NPTX1: variants seen among roughly 807,000 people sequenced by gnomAD.
NPTX1 encodes the protein neuronal pentraxin-1.
In NPTX1, 12 loss-of-function variants were observed where a neutral mutation model predicts 38.7. The observed-to-expected ratio is 0.31, with a 90% CI of 0.20 to 0.50. NPTX1 has a LOEUF of 0.50. NPTX1 is among the 20% of genes least tolerant of loss of function. The pLI, the probability that NPTX1 is intolerant of heterozygous loss-of-function variation, is 0.98. For missense variants in NPTX1, 454 were observed against 592.2 expected, an observed-to-expected ratio of 0.77 and a Z score of 2.42; for synonymous variants, 272 against 264.9, an observed-to-expected ratio of 1.03 and a Z score of -0.26.
At position 80,476,471 on chromosome 17, in the gene NPTX1, G is replaced by A. The variant is rs374486185; in HGVS notation, c.-25C>T. The A allele has an allele frequency of 7.0e-5, 83 of 1,182,854 alleles. 2 individuals carry two copies. In the East Asian group the frequency reaches 2.5e-3, roughly 35 times the overall value. 73.3% of individuals were successfully genotyped at this position (1,182,854 alleles called of 1,614,324 possible). On this transcript the variant is annotated 5_prime_UTR_variant, in exon 1 of 5. Coordinates refer to ENST00000306773, the MANE Select transcript of NPTX1 (RefSeq NM_002522.4). The surrounding 1 kb of genome is among the most constrained non-coding windows in gnomAD (Gnocchi z 6.3). Reference sequence around the variant, plus strand: ...TGGCTGCGGGCACCGGGCGCTCCGGGCCCGGCTCGGCTCGGCTGGGGCTCG... The same window carrying A: ...TGGCTGCGGGCACCGGGCGCTCCGGACCCGGCTCGGCTCGGCTGGGGCTCG...
At position 80,468,561 on chromosome 17, in the gene NPTX1, G is replaced by GT. The variant is rs2083819328; in HGVS notation, c.*2251dup. The GT allele has an allele frequency of 6.6e-6, 1 of 152,290 alleles. No individual in the cohort carries two copies. Among genetic ancestry groups the GT allele is most frequent in the African/African-American group, 2.4e-5 (1 of 41,452 alleles). The allele number at this position is 152,290 out of a possible 1,614,324, so 9.4% of individuals were successfully genotyped here. On this transcript the variant is annotated 3_prime_UTR_variant, in exon 5 of 5. Coordinates refer to ENST00000306773, the MANE Select transcript of NPTX1 (RefSeq NM_002522.4). ...TGGAGTGAGGGTGGGGCTAGATCTG[G>GT]TCTAGAGAGGCGACTCCAAGCTCTC...
At position 80,476,300 on chromosome 17, in the gene NPTX1, G is replaced by A; in HGVS notation, c.147C>T (p.Gly49=). 1.3e-6 allele frequency: 2 copies of A among 1,557,684 alleles called. No individual in the cohort carries two copies. Among genetic ancestry groups the A allele is most frequent in the Admixed American group, 1.8e-5 (1 of 54,144 alleles). ...ADMCAASVAA[G]GAEELRSSVL... is the part of the protein sequence containing the mutation. ...CGCTGCTCCGGAGCTCCTCGGCGCC[G>A]CCGGCGGCCACGGACGCGGCGCACA... Residue 49 remains glycine (G), a synonymous_variant, in exon 1 of 5, where the codon GGC becomes GGT. Transcript: ENST00000306773. The surrounding 1 kb of genome is among the most constrained non-coding windows in gnomAD (Gnocchi z 6.3).
At chr17:80,473,617 G>C (rs1482913005) in intron 2 of NPTX1, 173 bp from the exon 3 acceptor site, 4 of 647,396 alleles carry the variant, frequency 6.2e-6, no homozygotes, top group Non-Finnish European at 1.1e-5. Flanking sequence ...CCAAGGCACA[G>C]GGCCAGTCTG....
In NPTX1 at chr17:80,475,371, A is replaced by G. The variant is rs532847173; in HGVS notation, c.652+140T>C. On this transcript the variant is annotated intron_variant, in intron 2 of 4. Transcript: ENST00000306773. The surrounding 1 kb of genome is among the most constrained non-coding windows in gnomAD (Gnocchi z 6.5). ...AACCTGGGAAGGGGTGCGGGGAATGAGAAAGCGGTGCAGGGGTTGGGGGTA... is the reference window on the plus strand; with the variant it reads ...AACCTGGGAAGGGGTGCGGGGAATGGGAAAGCGGTGCAGGGGTTGGGGGTA... 1.1e-5 allele frequency: 7 copies of G among 640,686 alleles called. No individual in the cohort carries two copies. The highest frequency in any genetic ancestry group is 1.8e-5 in the Non-Finnish European group (7 of 378,386). 39.7% of individuals were successfully genotyped at this position (640,686 alleles called of 1,614,324 possible). A position where few individuals can be genotyped will look rare whatever the true frequency, so the allele number is the denominator to read the frequency against.
chr17:80,471,729 T>C lies in NPTX1; in HGVS notation c.1077+3A>G. 3 of 1,611,324 alleles carry C rather than the reference T, an allele frequency of 1.9e-6. No individual in the cohort carries two copies. The highest frequency in any genetic ancestry group is 2.5e-6 in the Non-Finnish European group (3 of 1,179,282). On this transcript the variant is annotated splice_donor_region_variant and intron_variant, in intron 4 of 4. Coordinates refer to ENST00000306773, the MANE Select transcript of NPTX1 (RefSeq NM_002522.4). The stretch of plus-strand genomic sequence containing the variant: ...CCCTTCCCCACCACATCCAGCACAG[T>C]ACCTGCTCCTGGCCCAGCACCAGCA...
At chr17:80,471,998 C>T (rs892034533) in intron 3 of NPTX1, 87 bp from the exon 4 acceptor site, 6 of 1,187,644 alleles carry the variant, frequency 5.1e-6, no homozygotes, top group Non-Finnish European at 7.0e-6. Flanking sequence ...TTGTTCCTAT[C>T]TCTACTTGCA....
Position 80,476,017 on chromosome 17 carries a change from G to A in NPTX1, c.430C>T (p.Leu144=). The A allele has an allele frequency of 3.1e-6, 5 of 1,607,690 alleles. No individual in the cohort carries two copies. Among genetic ancestry groups the A allele is most frequent in the Non-Finnish European group, 4.2e-6 (5 of 1,177,900 alleles). The change falls in exon 1 of 5, where the codon CTG becomes TTG. Residue 144 remains leucine, a synonymous_variant. Coordinates refer to ENST00000306773, the MANE Select transcript of NPTX1 (RefSeq NM_002522.4). The surrounding 1 kb of genome is among the most constrained non-coding windows in gnomAD (Gnocchi z 6.3). ...CGCGCGCGGACCTCGAGGTTCTCCA[G>A]GCGGGTTTTGAGCGATTGCAAAGTT... ...GQTLQSLKTR[L]ENLEQYSRLN... is the part of the protein sequence containing the mutation.
In NPTX1 at chr17:80,467,774, A is replaced by G. The variant is rs1159863821; in HGVS notation, c.*3039T>C. 1 of 152,526 alleles carries G rather than the reference A, an allele frequency of 6.6e-6. No individual in the cohort carries two copies. The highest frequency in any genetic ancestry group is 1.5e-5 in the Non-Finnish European group (1 of 68,042). 9.4% of individuals were successfully genotyped at this position (152,526 alleles called of 1,614,324 possible). A position where few individuals can be genotyped will look rare whatever the true frequency, so the allele number is the denominator to read the frequency against. On this transcript the variant is annotated 3_prime_UTR_variant, in exon 5 of 5. Coordinates refer to ENST00000306773, the MANE Select transcript of NPTX1 (RefSeq NM_002522.4). ...GCCTGAAAGTATTTTCAAGGGAGAT[A>G]TAGGTTGAGTTAATTTATAGGTTTG... is the stretch of plus-strand genomic sequence containing the variant.
At position 80,470,527 on chromosome 17, in the gene NPTX1, CA is replaced by C; in HGVS notation, c.*285del. 1 of 303,874 alleles carries C rather than the reference CA, an allele frequency of 3.3e-6. No homozygotes were observed. Among genetic ancestry groups the C allele is most frequent in the Non-Finnish European group, 6.2e-6 (1 of 160,808 alleles). The allele number at this position is 303,874 out of a possible 1,614,324, so 18.8% of individuals were successfully genotyped here. A position where few individuals can be genotyped will look rare whatever the true frequency, so the allele number is the denominator to read the frequency against. ...GACACGCACACACAGATCCTCTCAC[CA>C]ACTTCTGCCTTGTTCAAGACGTTGC... On this transcript the variant is annotated 3_prime_UTR_variant, in exon 5 of 5. Coordinates refer to ENST00000306773, the MANE Select transcript of NPTX1 (RefSeq NM_002522.4).
At chr17:80,472,155 G>T (rs73432810) in intron 3 of NPTX1, among the ~76,000 whole-genome samples, 4,272 of 152,314 alleles carry the variant, frequency 0.028, 207 homozygotes, top group African/African-American at 0.098. Context: ...CCATGTGGGT[G>T]TGCAGTCTCT....
Position 80,475,403 on chromosome 17 carries a change from C to T in NPTX1, c.652+108G>A, listed in dbSNP as rs2143050493. ...GGTGCAGGGGTTGGGGGTAGCGGAG[C>T]GGCTTGAGGCTTGCACAGTGCAGAG... On this transcript the variant is annotated intron_variant, in intron 2 of 4. Transcript: ENST00000306773. This position sits in a 1 kb window ranked among gnomAD's most constrained non-coding sequence, Gnocchi z 6.5. 5.0e-6 allele frequency: 4 copies of T among 800,774 alleles called. No individual in the cohort carries two copies. The highest frequency in any genetic ancestry group is 5.8e-6 in the Non-Finnish European group (3 of 514,502). The allele number at this position is 800,774 out of a possible 1,614,324, so 49.6% of individuals were successfully genotyped here. A position where few individuals can be genotyped will look rare whatever the true frequency, so the allele number is the denominator to read the frequency against.
chr17:80,474,062 C>T (rs2083859186), intron 2 of NPTX1: 1 of 154,602 alleles, frequency 6.5e-6, no homozygotes, highest in Non-Finnish European at 1.4e-5. Flanking sequence ...AGCAGGGACT[C>T]TGCCTGGAGC....
At chr17:80,472,762 C>T (rs1354536223) in intron 3 of NPTX1, among the ~76,000 whole-genome samples, 1 of 152,148 alleles carries the variant, frequency 6.6e-6, no homozygotes, top group Non-Finnish European at 1.5e-5. Context: ...ACAGACCTGT[C>T]CTCCTCCCGA....
chr17:80,476,325 A>G lies in NPTX1; in HGVS notation c.122T>C (p.Met41Thr). 1 of 1,545,568 alleles carries G rather than the reference A, an allele frequency of 6.5e-7. No individual in the cohort carries two copies. The highest frequency in any genetic ancestry group is 8.7e-7 in the Non-Finnish European group (1 of 1,152,292). The change falls in exon 1 of 5, where the codon ATG (methionine) becomes ACG (threonine). Residue 41 changes from methionine to threonine, a missense_variant. Met to Thr is a moderately conservative substitution (Grantham distance 81). Transcript: ENST00000306773. The surrounding 1 kb of genome is among the most constrained non-coding windows in gnomAD (Gnocchi z 6.3). ...ICTSVPVDAD[M>T]CAASVAAGGA... ...GCCGGCGGCCACGGACGCGGCGCAC[A>G]TGTCGGCGTCCACGGGCACCGAGGT...
At position 80,470,646 on chromosome 17, in the gene NPTX1, G is replaced by T; in HGVS notation, c.*167C>A. 1 of 570,670 alleles carries T rather than the reference G, an allele frequency of 1.8e-6. No individual in the cohort carries two copies. 35.4% of individuals were successfully genotyped at this position (570,670 alleles called of 1,614,324 possible). A position where few individuals can be genotyped will look rare whatever the true frequency, so the allele number is the denominator to read the frequency against. On this transcript the variant is annotated 3_prime_UTR_variant, in exon 5 of 5. Coordinates refer to ENST00000306773, the MANE Select transcript of NPTX1 (RefSeq NM_002522.4). ...TCCTCAGGGACAGATGGGAGCAGGG[G>T]CTGCTTCGTGTGCATGAGGACAAAA...
chr17:80,471,029 A>G lies in NPTX1; in HGVS notation c.1083T>C (p.Thr361=). 1 of 1,598,488 alleles carries G rather than the reference A, an allele frequency of 6.3e-7. No homozygotes were observed. Among genetic ancestry groups the G allele is most frequent in the Non-Finnish European group, 8.6e-7 (1 of 1,169,366 alleles). The stretch of plus-strand genomic sequence containing the variant: ...GGGTGGCATCAAACCCACCACCCAG[A>G]GTGTCCTTCAGAGAAAAACAGAGGA... ...GVLVLGQEQD[T]LGGGFDATQA... Residue 361 remains threonine (T), a synonymous_variant, in exon 5 of 5, where the codon ACT becomes ACC. Coordinates refer to ENST00000306773, the MANE Select transcript of NPTX1 (RefSeq NM_002522.4).
rs2083811757 is a variant in NPTX1, at chr17:80,467,292, G to A, written c.*3521C>T. On this transcript the variant is annotated 3_prime_UTR_variant, in exon 5 of 5. Transcript: ENST00000306773. ...CGTTAGTTGAATAAATTTACACACT[G>A]TGTTTAAGAGATGAAACCACGACTT... 1 of 152,446 alleles carries A rather than the reference G, an allele frequency of 6.6e-6. No homozygotes were observed. Among genetic ancestry groups the A allele is most frequent in the African/African-American group, 2.4e-5 (1 of 41,388 alleles). The allele number at this position is 152,446 out of a possible 1,614,324, so 9.4% of individuals were successfully genotyped here. A position where few individuals can be genotyped will look rare whatever the true frequency, so the allele number is the denominator to read the frequency against.
chr17:80,476,396 G>T lies in NPTX1; in HGVS notation c.51C>A (p.Leu17=). The change falls in exon 1 of 5, where the codon CTC becomes CTA. Residue 17 remains leucine, a synonymous_variant. Coordinates refer to ENST00000306773, the MANE Select transcript of NPTX1 (RefSeq NM_002522.4). This position sits in a 1 kb window ranked among gnomAD's most constrained non-coding sequence, Gnocchi z 6.3. ...CGAAATCCTGGGCCCCGGCGCCCAG[G>T]AGGCAGAGGGCGAGCAGCGCACAGG... The part of the protein sequence containing the change: ...ARTCALLALC[L]LGAGAQDFGP... 6.6e-7 allele frequency: 1 copy of T among 1,512,380 alleles called. No homozygotes were observed. Among genetic ancestry groups the T allele is most frequent in the Non-Finnish European group, 8.8e-7 (1 of 1,138,278 alleles). 93.7% of individuals were successfully genotyped at this position (1,512,380 alleles called of 1,614,324 possible). A position where few individuals can be genotyped will look rare whatever the true frequency, so the allele number is the denominator to read the frequency against.
In NPTX1 at chr17:80,476,299, C is replaced by T; in HGVS notation, c.148G>A (p.Gly50Ser). The change falls in exon 1 of 5, where the codon GGC (glycine) becomes AGC (serine). Residue 50 changes from glycine (G) to serine (S), a missense_variant. By Grantham distance (56) the Gly-to-Ser change is moderately conservative. Transcript: ENST00000306773. The surrounding 1 kb of genome is among the most constrained non-coding windows in gnomAD (Gnocchi z 6.3). ...ACGCTGCTCCGGAGCTCCTCGGCGC[C>T]GCCGGCGGCCACGGACGCGGCGCAC... ...DMCAASVAAG[G>S]AEELRSSVLQ... 5 of 1,557,942 alleles carry T rather than the reference C, an allele frequency of 3.2e-6. No individual in the cohort carries two copies. Among genetic ancestry groups the T allele is most frequent in the Non-Finnish European group, 4.3e-6 (5 of 1,159,244 alleles).
Sources: allele counts gnomAD v4.1 joint callset (sites outside exome capture counted in the v4.1 genomes callset), GRCh38; gene constraint gnomAD v4.1.1; non-coding constraint Gnocchi (gnomAD v3.1); transcripts MANE v1.5; gene names NCBI Gene and HGNC (gene_info 2026-07-23, HGNC 2026-07-21).